The following RABGAP1L variants were observed in gnomAD, a reference collection of about 807,000 sequenced individuals.
RABGAP1L encodes RAB GTPase activating protein 1 like, also known as rab GTPase-activating protein 1-like.
RABGAP1L carries 63 observed loss-of-function variants against 137.7 expected under a neutral mutation model. The ratio of observed to expected loss-of-function variants is 0.46; its 90% CI spans 0.37 to 0.56. RABGAP1L has a LOEUF of 0.56. RABGAP1L is among the 20% of genes least tolerant of loss of function. The pLI, the probability that RABGAP1L is intolerant of heterozygous loss-of-function variation, is 0.00. For synonymous variants in RABGAP1L, 431 were observed against 433.7 expected, an observed-to-expected ratio of 0.99 and a Z score of 0.08; for missense variants, 1,095 against 1,244.0, an observed-to-expected ratio of 0.88 and a Z score of 1.80.
chr1:174,608,083 A>T (rs1265024691), intron 13 of RABGAP1L, among the ~76,000 whole-genome samples: 1 of 152,168 alleles, frequency 6.6e-6, no homozygotes, highest in Non-Finnish European at 1.5e-5. Flanking sequence ...CTAGGGAGAC[A>T]GCTCAAAGCA....
At chr1:174,916,122 AT>A (rs1269750284) in intron 19 of RABGAP1L, among the ~76,000 whole-genome samples, 22 of 132,494 alleles carry the variant, frequency 1.7e-4, no homozygotes, top group Admixed American at 6.0e-4. Context: ...GTCTATGTAC[AT>A]TTTTTTTTTG....
At chr1:174,453,919 G>A (rs924626216) in intron 13 of RABGAP1L, among the ~76,000 whole-genome samples, 8 of 152,014 alleles carry the variant, frequency 5.3e-5, no homozygotes, top group African/African-American at 1.9e-4. Flanking sequence ...TTTTTACAAT[G>A]AGCATTGGTA....
At position 174,664,730 on chromosome 1, in the gene RABGAP1L, C is replaced by CTTTTTTTTTTTTTT. The variant is rs747671420; in HGVS notation, c.1825-18789_1825-18788insTTTTTTTTTTTTTT. Among the ~76,000 whole-genome samples the CTTTTTTTTTTTTTT allele has an allele frequency of 9.5e-4, 94 of 98,868 alleles. 9 individuals are homozygous for CTTTTTTTTTTTTTT. The highest frequency in any genetic ancestry group is 4.9e-3 in the African/African-American group (77 of 15,646). The allele number at this position is 98,868 out of a possible 152,430, so 64.9% of individuals were successfully genotyped here. On this transcript the variant is annotated intron_variant, in intron 14 of 25. Coordinates refer to ENST00000681986, the MANE Select transcript of RABGAP1L (RefSeq NM_001366446.1). ...CTCTCTCTTTCTTTCTTTCTTTCTG[C>CTTTTTTTTTTTTTT]TTTCTTTTTTTTTTTTTTTTTTTTT... is the stretch of plus-strand genomic sequence containing the variant.
chr1:174,495,324 CT>C (rs915581680), intron 13 of RABGAP1L, among the ~76,000 whole-genome samples: 26 of 152,098 alleles, frequency 1.7e-4, no homozygotes, highest in Non-Finnish European at 3.2e-4. Flanking sequence ...AAACAATATA[CT>C]TTTTTTCCCC....
At chr1:174,376,484 TA>T (rs1441731060) in intron 12 of RABGAP1L, among the ~76,000 whole-genome samples, 1 of 152,198 alleles carries the variant, frequency 6.6e-6, no homozygotes, top group Non-Finnish European at 1.5e-5. Context: ...TTTGAAAGGA[TA>T]ATGTTGCATG....
In RABGAP1L at chr1:174,761,764, C is replaced by A. The variant is rs567226995; in HGVS notation, c.2211+9410C>A. Among the ~76,000 whole-genome samples, 1 of 152,192 alleles carries A rather than the reference C, an allele frequency of 6.6e-6. No individual in the cohort carries two copies. The highest frequency in any genetic ancestry group is 6.5e-5 in the Admixed American group (1 of 15,288). On this transcript the variant is annotated intron_variant, in intron 18 of 25. Coordinates refer to ENST00000681986, the MANE Select transcript of RABGAP1L (RefSeq NM_001366446.1). This position sits in a 1 kb window ranked among gnomAD's most constrained non-coding sequence, Gnocchi z 4.0. ...GGAGAACAGCATGGGAAAGACCCAC[C>A]ACCATGATTCAATTACATTCCACCA...
At chr1:174,875,394 CCCAG>C (rs1188553341) in intron 19 of RABGAP1L, 1 of 264,386 alleles carries the variant, frequency 3.8e-6, no homozygotes, top group Non-Finnish European at 5.8e-6. Context: ...AATGCACTCT[CCCAG>C]GGTGCATAGG....
At chr1:174,474,857 T>A (rs1379874897) in intron 13 of RABGAP1L, among the ~76,000 whole-genome samples, 5 of 152,116 alleles carry the variant, frequency 3.3e-5, no homozygotes, top group Admixed American at 2.6e-4. Flanking sequence ...CGCCTCTGCC[T>A]CCTAAAGTGG....
intron 11 of RABGAP1L, among the ~76,000 whole-genome samples, chr1:174,305,509 T>C (rs1343360395): frequency 2.0e-5 from 3 of 152,032 alleles, no homozygotes; most frequent in African/African-American, 4.8e-5. Context: ...CTCAGCCTCC[T>C]GAGTAGCCAG....
At chr1:174,180,715 C>T (rs1192570258) in intron 1 of RABGAP1L, among the ~76,000 whole-genome samples, 2 of 152,122 alleles carry the variant, frequency 1.3e-5, no homozygotes, top group African/African-American at 4.8e-5. Context: ...TATCCTCGTG[C>T]CTTGGCCTCC....
At chr1:174,336,392 T>C (rs1003087637) in intron 11 of RABGAP1L, among the ~76,000 whole-genome samples, 2 of 152,234 alleles carry the variant, frequency 1.3e-5, no homozygotes, top group African/African-American at 2.4e-5. Flanking sequence ...TCCAATGTGC[T>C]GGGATTGCAG....
chr1:174,336,636 T>TA (rs1553275925), intron 11 of RABGAP1L, among the ~76,000 whole-genome samples: 2 of 152,200 alleles, frequency 1.3e-5, no homozygotes, highest in Non-Finnish European at 2.9e-5. Flanking sequence ...TCTGCTTTCC[T>TA]AAAAAATGTC....
chr1:174,210,602 A>G (rs1305155740), intron 1 of RABGAP1L, among the ~76,000 whole-genome samples: 2 of 152,208 alleles, frequency 1.3e-5, no homozygotes, highest in Non-Finnish European at 2.9e-5. Context: ...GATCTAGAAC[A>G]TAGCCTCAGA....
chr1:174,621,117 A>G lies in RABGAP1L; in HGVS notation c.1711-16258A>G, dbSNP rs145615105. Among the ~76,000 whole-genome samples, 5 of 152,324 alleles carry G rather than the reference A, an allele frequency of 3.3e-5. No homozygotes were observed. In the East Asian group the frequency reaches 9.6e-4, roughly 29 times the overall value. On this transcript the variant is annotated intron_variant, in intron 13 of 25. Transcript: ENST00000681986. Reference sequence around the variant, plus strand: ...TCCCATTCATAATTGCTTCAAAGAGAATAAAATACCTAGGAATCCAACTTA... The same window carrying G: ...TCCCATTCATAATTGCTTCAAAGAGGATAAAATACCTAGGAATCCAACTTA...
intron 11 of RABGAP1L, among the ~76,000 whole-genome samples, chr1:174,311,773 AT>A (rs1203265843): frequency 1.3e-5 from 2 of 151,956 alleles, no homozygotes; most frequent in African/African-American, 2.4e-5. Context: ...TGCCTGGCTA[AT>A]TTTTTGTATT....
At chr1:174,484,741 C>T (rs979739293) in intron 13 of RABGAP1L, among the ~76,000 whole-genome samples, 9 of 151,866 alleles carry the variant, frequency 5.9e-5, no homozygotes, top group Non-Finnish European at 8.8e-5. Flanking sequence ...TATTCTGTGC[C>T]GTTTTGGTTA....
chr1:174,800,184 C>G, intron 18 of RABGAP1L: 18 of 1,397,916 alleles, frequency 1.3e-5, no homozygotes, highest in Non-Finnish European at 1.7e-5. Context: ...AAATGTTTTT[C>G]TTGTGGAGAC....
chr1:174,305,149 G>C, intron 11 of RABGAP1L, 22 bp downstream of exon 11: 2 of 1,508,284 alleles, frequency 1.3e-6, no homozygotes, highest in Middle Eastern at 1.7e-4. Context: ...GACTTACTCA[G>C]TTTATTCTGT....
chr1:174,736,195 T>TA (rs1682931319), intron 17 of RABGAP1L, among the ~76,000 whole-genome samples: 1 of 152,180 alleles, frequency 6.6e-6, no homozygotes, highest in African/African-American at 2.4e-5. Flanking sequence ...AAATACAAGT[T>TA]AACCATTCCC....
Sources: allele counts gnomAD v4.1 joint callset (sites outside exome capture counted in the v4.1 genomes callset), GRCh38; gene constraint gnomAD v4.1.1; non-coding constraint Gnocchi (gnomAD v3.1); transcripts MANE v1.5; gene names NCBI Gene and HGNC (gene_info 2026-07-23, HGNC 2026-07-21).